Variants in LRRC4C observed in about 807,000 individuals in gnomAD.
The protein encoded by LRRC4C is leucine-rich repeat-containing protein 4C.
LRRC4C carries 5 observed loss-of-function variants against 33.6 expected under a neutral mutation model. The observed-to-expected ratio is 0.15, with a 90% CI of 0.08 to 0.31. The LOEUF (loss-of-function observed/expected upper bound fraction) is 0.31. Among genes scored for constraint, LRRC4C ranks in the 10% least tolerant of loss-of-function variants. LRRC4C has a pLI of 1.00. For synonymous variants in LRRC4C, 329 were observed against 302.0 expected (o/e 1.09, Z -0.93); for missense variants, 560 against 796.7 (o/e 0.70, Z 3.58).
intron 2 of LRRC4C, among the ~76,000 whole-genome samples, chr11:40,882,866 A>C (rs2136037186): frequency 6.6e-6 from 1 of 152,208 alleles, no homozygotes; most frequent in South Asian, 2.1e-4. Context: ...GAATCTAGCA[A>C]GCATGCACTG....
At chr11:41,170,221 C>A (rs1309807651) in intron 1 of LRRC4C, among the ~76,000 whole-genome samples, 2 of 152,236 alleles carry the variant, frequency 1.3e-5, no homozygotes, top group South Asian at 2.1e-4. Flanking sequence ...ATCAAGCTAC[C>A]AAAGACTTTC....
At chr11:40,354,775 C>G (rs888348322) in intron 3 of LRRC4C, among the ~76,000 whole-genome samples, 1 of 152,086 alleles carries the variant, frequency 6.6e-6, no homozygotes, top group African/African-American at 2.4e-5. Flanking sequence ...AAGTGCTGCT[C>G]AGGAGCCAAG....
intron 5 of LRRC4C, among the ~76,000 whole-genome samples, chr11:40,145,194 C>A (rs540958105): frequency 8.4e-4 from 128 of 152,160 alleles, no homozygotes; most frequent in Non-Finnish European, 1.5e-3. Flanking sequence ...TAGAAAAAAG[C>A]AACTAAAGCA....
intron 1 of LRRC4C, among the ~76,000 whole-genome samples, chr11:41,254,065 A>T (rs1948723886): frequency 2.0e-5 from 3 of 152,086 alleles, no homozygotes; most frequent in Admixed American, 2.0e-4. Context: ...CGACCTAGTA[A>T]GATATTCACC....
intron 2 of LRRC4C, among the ~76,000 whole-genome samples, chr11:40,834,167 A>G (rs1952548236): frequency 6.6e-6 from 1 of 152,118 alleles, no homozygotes; most frequent in Admixed American, 6.6e-5. Flanking sequence ...GGAATTATTT[A>G]CTTAAAATGA....
chr11:40,456,587 A>G (rs1442175052), intron 3 of LRRC4C, among the ~76,000 whole-genome samples: 1 of 152,052 alleles, frequency 6.6e-6, no homozygotes, highest in Non-Finnish European at 1.5e-5. Flanking sequence ...AAAAATGGAG[A>G]AAAGAGAGGG....
intron 1 of LRRC4C, among the ~76,000 whole-genome samples, chr11:41,098,899 A>G (rs1360936851): frequency 6.6e-6 from 1 of 152,026 alleles, no homozygotes; most frequent in Non-Finnish European, 1.5e-5. Flanking sequence ...AATGTAGGAG[A>G]TGGTTTTCTG....
chr11:40,451,138 C>A (rs1951864155), intron 3 of LRRC4C, among the ~76,000 whole-genome samples: 1 of 150,822 alleles, frequency 6.6e-6, no homozygotes, highest in South Asian at 2.1e-4. Context: ...GCAAACTAAA[C>A]CCACAGTAAG....
At chr11:40,584,818 G>T (rs1958638678) in intron 3 of LRRC4C, among the ~76,000 whole-genome samples, 1 of 151,992 alleles carries the variant, frequency 6.6e-6, no homozygotes, top group African/African-American at 2.4e-5. Context: ...TGTGGTCCCA[G>T]GTACTCAGGA....
At chr11:40,583,066 A>G (rs1008557196) in intron 3 of LRRC4C, among the ~76,000 whole-genome samples, 1 of 152,062 alleles carries the variant, frequency 6.6e-6, no homozygotes, top group Non-Finnish European at 1.5e-5. Context: ...TATTCTTTCT[A>G]CCTAACTCTG....
chr11:40,156,317 T>A (rs1858687087), intron 5 of LRRC4C, among the ~76,000 whole-genome samples: 1 of 152,110 alleles, frequency 6.6e-6, no homozygotes, highest in Non-Finnish European at 1.5e-5. Context: ...TCACCACTCC[T>A]CTTCAACATA....
At chr11:40,880,378 A>G (rs1450045296) in intron 2 of LRRC4C, among the ~76,000 whole-genome samples, 1 of 152,062 alleles carries the variant, frequency 6.6e-6, no homozygotes, top group African/African-American at 2.4e-5. Flanking sequence ...CTAACTGAAC[A>G]GATATTTTTG....
intron 2 of LRRC4C, among the ~76,000 whole-genome samples, chr11:40,746,600 C>T (rs1340542636): frequency 6.6e-6 from 1 of 152,152 alleles, no homozygotes; most frequent in Non-Finnish European, 1.5e-5. Flanking sequence ...ATCACCACAC[C>T]CTTTTCTCAC....
rs561759246 is a variant in LRRC4C, at chr11:40,309,120, T to C, written c.-176+10508A>G. On this transcript the variant is annotated intron_variant, in intron 4 of 6. Transcript: ENST00000528697. Reference sequence around the variant, plus strand: ...TTATGCAACCATCACCACAGTGTCATTTTAGAATATTTTATCATCTGAGAA... The same window carrying C: ...TTATGCAACCATCACCACAGTGTCACTTTAGAATATTTTATCATCTGAGAA... Among the ~76,000 whole-genome samples, 4 of 152,332 alleles carry C rather than the reference T, an allele frequency of 2.6e-5. No individual in the cohort carries two copies. In the South Asian group the frequency reaches 8.3e-4, roughly 32 times the overall value.
At chr11:40,344,715 C>T (rs1177593366) in intron 3 of LRRC4C, among the ~76,000 whole-genome samples, 1 of 152,052 alleles carries the variant, frequency 6.6e-6, no homozygotes, top group Non-Finnish European at 1.5e-5. Flanking sequence ...AGTCAAACTA[C>T]CACTGTTTGC....
At chr11:40,191,329 T>C (rs1861825038) in intron 5 of LRRC4C, among the ~76,000 whole-genome samples, 1 of 152,226 alleles carries the variant, frequency 6.6e-6, no homozygotes, top group Non-Finnish European at 1.5e-5. Flanking sequence ...ACTTTCAAAA[T>C]ACTGTAGATG....
chr11:41,388,489 A>G (rs1953451629), intron 1 of LRRC4C, among the ~76,000 whole-genome samples: 6 of 151,886 alleles, frequency 4.0e-5, no homozygotes, highest in Admixed American at 3.3e-4. Context: ...ACACTGTGCT[A>G]AAAGTATGGC....
At chr11:40,300,877 C>G (rs1167846500) in intron 4 of LRRC4C, among the ~76,000 whole-genome samples, 1 of 152,198 alleles carries the variant, frequency 6.6e-6, no homozygotes, top group African/African-American at 2.4e-5. Context: ...TCCTGGCTCA[C>G]TACAGCCTGG....
chr11:41,100,032 G>A (rs946556757), intron 1 of LRRC4C, among the ~76,000 whole-genome samples: 1 of 151,972 alleles, frequency 6.6e-6, no homozygotes, highest in African/African-American at 2.4e-5. Flanking sequence ...AAAATCACTA[G>A]TATTCCTATG....
Sources: allele counts gnomAD v4.1 joint callset (sites outside exome capture counted in the v4.1 genomes callset), GRCh38; gene constraint gnomAD v4.1.1; transcripts MANE v1.5; gene names NCBI Gene and HGNC (gene_info 2026-07-23, HGNC 2026-07-21).